Variants in TIMM50 observed in about 807,000 individuals in gnomAD.
The protein encoded by TIMM50 is mitochondrial import inner membrane translocase subunit TIM50.
In TIMM50, 34 loss-of-function variants were observed where a neutral mutation model predicts 49.6. That is an observed-to-expected ratio of 0.69 (90% confidence interval 0.52 to 0.91). The LOEUF (loss-of-function observed/expected upper bound fraction) is 0.91, where lower values mean the gene tolerates loss of function less well. Ranked by LOEUF, TIMM50 falls within the 40% of genes least tolerant of loss-of-function variation. The pLI is 0.00. For missense variants in TIMM50, 458 were observed against 477.8 expected (o/e 0.96, Z 0.39); for synonymous variants, 199 against 198.4 (o/e 1.00, Z -0.03).
Position 39,491,686 on chromosome 19 carries a change from G to A in TIMM50, c.*1866G>A, listed in dbSNP as rs1449558825. ...AAAACAAAGTAACGAGCCCAGCGAGGTTATGCATACCTGTAGTCCCAGCTA... is the reference window on the plus strand; with the variant it reads ...AAAACAAAGTAACGAGCCCAGCGAGATTATGCATACCTGTAGTCCCAGCTA... On this transcript the variant is annotated 3_prime_UTR_variant, in exon 11 of 11. Coordinates refer to ENST00000607714, the MANE Select transcript of TIMM50 (RefSeq NM_001001563.5). The A allele has an allele frequency of 6.6e-6, 1 of 151,644 alleles. No individual in the cohort carries two copies. Among genetic ancestry groups the A allele is most frequent in the Admixed American group, 6.6e-5 (1 of 15,210 alleles). 9.4% of individuals were successfully genotyped at this position (151,644 alleles called of 1,614,324 possible). A position where few individuals can be genotyped will look rare whatever the true frequency, so the allele number is the denominator to read the frequency against.
At chr19:39,489,668 G>A (rs762286926) in intron 10 of TIMM50, 51 bp from the exon 11 acceptor site, 5 of 1,517,978 alleles carry the variant, frequency 3.3e-6, no homozygotes, top group Non-Finnish European at 4.5e-6. Flanking sequence ...CTGGGAGGAG[G>A]CTCTGTCCAC....
Position 39,485,194 on chromosome 19 carries a change from C to T in TIMM50, c.314-350C>T, listed in dbSNP as rs1486973433. 1.5e-5 allele frequency: 5 copies of T among 329,198 alleles called. No individual in the cohort carries two copies. In the Admixed American group the frequency reaches 1.6e-4, roughly 11 times the overall value. The allele number at this position is 329,198 out of a possible 1,614,324, so 20.4% of individuals were successfully genotyped here. A position where few individuals can be genotyped will look rare whatever the true frequency, so the allele number is the denominator to read the frequency against. On this transcript the variant is annotated intron_variant, in intron 4 of 10. Coordinates refer to ENST00000607714, the MANE Select transcript of TIMM50 (RefSeq NM_001001563.5). ...GTTGGCCAGGATGGTCTTGATCTGA[C>T]CTCGTGATCCGTCTGCCTCGGCCTC...
intron 10 of TIMM50, among the ~76,000 whole-genome samples, 189 bp from the exon 11 acceptor site, chr19:39,489,530 G>T (rs565273695): frequency 2.0e-4 from 31 of 152,144 alleles, no homozygotes; most frequent in East Asian, 9.7e-4. Flanking sequence ...TGTCTGGGGT[G>T]GGGGGACTGG....
intron 8 of TIMM50, among the ~76,000 whole-genome samples, chr19:39,486,852 AC>A (rs2079510699): frequency 1.3e-5 from 2 of 151,858 alleles, no homozygotes; most frequent in Admixed American, 6.6e-5. Context: ...GGTTTGTTTG[AC>A]CCGGGCTCTG....
At position 39,485,469 on chromosome 19, in the gene TIMM50, A is replaced by G. The variant is rs146169562; in HGVS notation, c.314-75A>G. ...GCAGACCTGTTTGTATCTGGTAGATAAGAAACCCCTGGTTTGTCTGGGAGG... is the reference window on the plus strand; with the variant it reads ...GCAGACCTGTTTGTATCTGGTAGATGAGAAACCCCTGGTTTGTCTGGGAGG... On this transcript the variant is annotated intron_variant, in intron 4 of 10. Transcript: ENST00000607714. 1,866 of 1,584,424 alleles carry G rather than the reference A, an allele frequency of 1.2e-3. 18 individuals are homozygous for G. In the African/African-American group the frequency reaches 0.021, roughly 18 times the overall value.
intron 8 of TIMM50, among the ~76,000 whole-genome samples, chr19:39,486,839 TG>T (rs2079510631): frequency 6.6e-6 from 1 of 152,164 alleles, no homozygotes. Flanking sequence ...TGAGACTGGT[TG>T]GGGTTTGTTT....
intron 7 of TIMM50, 44 bp downstream of exon 7, chr19:39,486,335 G>A (rs1386110615): frequency 1.2e-6 from 2 of 1,612,998 alleles, no homozygotes; most frequent in East Asian, 2.2e-5. Flanking sequence ...GTGGTGGGAG[G>A]CGTAGAGATC....
intron 4 of TIMM50, 80 bp from the exon 5 acceptor site, chr19:39,485,464 T>C: frequency 6.4e-7 from 1 of 1,556,192 alleles, no homozygotes; most frequent in Non-Finnish European, 8.9e-7. Context: ...TTGTATCTGG[T>C]AGATAAGAAA....
At chr19:39,485,402 T>C (rs1195484196) in intron 4 of TIMM50, 142 bp from the exon 5 acceptor site, 1 of 899,606 alleles carries the variant, frequency 1.1e-6, no homozygotes, top group African/African-American at 1.7e-5. Flanking sequence ...TTGCCTTCTA[T>C]CTTTGGACCT....
At chr19:39,488,026 C>T (rs986173493) in intron 8 of TIMM50, 35 bp from the exon 9 acceptor site, 17 of 1,584,986 alleles carry the variant, frequency 1.1e-5, no homozygotes, top group Non-Finnish European at 1.5e-5. Flanking sequence ...GAGAGTTGGG[C>T]ACAGATGTTG....
intron 2 of TIMM50, among the ~76,000 whole-genome samples, chr19:39,482,533 G>A (rs992135128): frequency 5.3e-5 from 8 of 152,060 alleles, no homozygotes; most frequent in Non-Finnish European, 1.0e-4. Context: ...GGTGGCGGGC[G>A]CCTGTAGTCT....
Position 39,489,986 on chromosome 19 carries a change from C to CGATGACCCAAG in TIMM50, c.*166_*167insGATGACCCAAG. ...AGGGTGAGGTCCGGGACTCTTGGGT[C>CGATGACCCAAG]ATCGTCCCACAGTGGCTGATCGGCT... On this transcript the variant is annotated 3_prime_UTR_variant, in exon 11 of 11. Transcript: ENST00000607714. The CGATGACCCAAG allele has an allele frequency of 1.5e-6, 1 of 661,464 alleles. No individual in the cohort carries two copies. The highest frequency in any genetic ancestry group is 2.6e-6 in the Non-Finnish European group (1 of 384,876). The allele number at this position is 661,464 out of a possible 1,614,324, so 41.0% of individuals were successfully genotyped here. A position where few individuals can be genotyped will look rare whatever the true frequency, so the allele number is the denominator to read the frequency against.
chr19:39,489,881 CT>C lies in TIMM50; in HGVS notation c.*63del. ...GGGCCCCAGTGCTTCCAGACCAAGA[CT>C]TGGGCCACCACTTGTCCAATAAAGT... is the stretch of plus-strand genomic sequence containing the variant. On this transcript the variant is annotated 3_prime_UTR_variant, in exon 11 of 11. Transcript: ENST00000607714. The C allele has an allele frequency of 1.4e-6, 2 of 1,471,606 alleles. No individual in the cohort carries two copies. The highest frequency in any genetic ancestry group is 1.9e-6 in the Non-Finnish European group (2 of 1,070,570). 91.2% of individuals were successfully genotyped at this position (1,471,606 alleles called of 1,614,324 possible). A position where few individuals can be genotyped will look rare whatever the true frequency, so the allele number is the denominator to read the frequency against.
Position 39,481,885 on chromosome 19 carries a change from C to A in TIMM50, c.111C>A (p.Ala37=). ...ATPPRRAPDQ[A]AEIGSRGSTK... ...GACCTCCCCTTTCTCAACCGCAGGCCGCAGAGATCGGGAGCCGCGGGAGCA... is the reference window on the plus strand; with the variant it reads ...GACCTCCCCTTTCTCAACCGCAGGCAGCAGAGATCGGGAGCCGCGGGAGCA... Residue 37 remains alanine (A), a splice_region_variant and synonymous_variant, in exon 2 of 11, where the codon GCC becomes GCA. Coordinates refer to ENST00000607714, the MANE Select transcript of TIMM50 (RefSeq NM_001001563.5). The A allele has an allele frequency of 6.2e-7, 1 of 1,612,268 alleles. No homozygotes were observed. The highest frequency in any genetic ancestry group is 8.5e-7 in the Non-Finnish European group (1 of 1,179,390).
Position 39,480,952 on chromosome 19 carries a change from C to T in TIMM50, c.99C>T (p.Ala33=). The T allele has an allele frequency of 1.3e-6, 2 of 1,584,174 alleles. No individual in the cohort carries two copies. Among genetic ancestry groups the T allele is most frequent in the Admixed American group, 1.7e-5 (1 of 57,372 alleles). Residue 33 remains alanine, a synonymous_variant, in exon 1 of 11, where the codon GCC becomes GCT. Transcript: ENST00000607714. ...CTRLATPPRR[A]PDQAAEIGSR... ...GGTTGGCGACGCCGCCCCGCCGGGC[C>T]CCAGATCAGGTGAGCGGAACGAGGG... is the stretch of plus-strand genomic sequence containing the variant.
chr19:39,483,283 A>T, intron 4 of TIMM50, 127 bp downstream of exon 4: 1 of 1,278,980 alleles, frequency 7.8e-7, no homozygotes. Context: ...GGGAGCCAGC[A>T]GCTGGATGGC....
At chr19:39,485,305 T>G in intron 4 of TIMM50, 1 of 574,416 alleles carries the variant, frequency 1.7e-6, no homozygotes, top group Non-Finnish European at 3.1e-6. Context: ...AGCATTCTGT[T>G]TCATACCTGG....
intron 8 of TIMM50, among the ~76,000 whole-genome samples, chr19:39,487,754 C>T (rs1315963947): frequency 4.6e-5 from 7 of 152,142 alleles, no homozygotes; most frequent in Middle Eastern, 3.4e-3. Flanking sequence ...CCACCGCACC[C>T]GGCCATTTTT....
At chr19:39,488,438 A>G (rs1030560497) in intron 9 of TIMM50, 101 bp from the exon 10 acceptor site, 1 of 1,186,412 alleles carries the variant, frequency 8.4e-7, no homozygotes, top group African/African-American at 1.5e-5. Context: ...TCCAGGTAGC[A>G]CTGACTGCCC....
Sources: gnomAD v4.1 joint callset for allele counts (sites outside exome capture counted in the v4.1 genomes callset) on GRCh38, gnomAD v4.1.1 for gene constraint, MANE v1.5 for transcripts, NCBI Gene and HGNC (gene_info 2026-07-23, HGNC 2026-07-21) for gene names.